BASP1: variants seen among roughly 807,000 people sequenced by gnomAD.
BASP1 encodes brain acid soluble protein 1.
BASP1 carries 1 observed loss-of-function variant against 2.2 expected under a neutral mutation model. The observed-to-expected ratio is 0.46, with a 90% CI of 0.16 to 2.17. BASP1 has a LOEUF of 2.17. Among genes scored for constraint, BASP1 ranks in the 30% most tolerant of loss-of-function variants. The pLI is 0.27. For synonymous variants in BASP1, 187 were observed against 154.2 expected, an observed-to-expected ratio of 1.21 and a Z score of -1.58; for missense variants, 352 against 327.2, an observed-to-expected ratio of 1.08 and a Z score of -0.58.
chr5:17,228,958 T>C (rs1471267825), intron 1 of BASP1, among the ~76,000 whole-genome samples: 1 of 152,124 alleles, frequency 6.6e-6, no homozygotes, highest in African/African-American at 2.4e-5. Context: ...CAAGCCAGTT[T>C]TGAGTTGAGT....
At chr5:17,266,740 A>C (rs1015055146) in intron 1 of BASP1, among the ~76,000 whole-genome samples, 1 of 147,260 alleles carries the variant, frequency 6.8e-6, no homozygotes, top group African/African-American at 2.5e-5. Flanking sequence ...TTGAACCGAG[A>C]GGCGCAAGTT....
At chr5:17,237,982 G>A (rs1274844295) in intron 1 of BASP1, among the ~76,000 whole-genome samples, 2 of 152,052 alleles carry the variant, frequency 1.3e-5, no homozygotes, top group Non-Finnish European at 2.9e-5. Context: ...GAAACACAAC[G>A]TATGTTAAGA....
At chr5:17,219,362 C>T (rs969333131) in intron 1 of BASP1, among the ~76,000 whole-genome samples, 1 of 152,126 alleles carries the variant, frequency 6.6e-6, no homozygotes, top group Non-Finnish European at 1.5e-5. Context: ...TTTTTCCCGC[C>T]TGTGTGTGTG....
intron 1 of BASP1, among the ~76,000 whole-genome samples, chr5:17,263,651 T>A (rs552859009): frequency 1.8e-4 from 28 of 152,336 alleles, no homozygotes; most frequent in Non-Finnish European, 3.4e-4. Context: ...ACTTTGTAGA[T>A]CCAACTCATC....
intron 1 of BASP1, among the ~76,000 whole-genome samples, chr5:17,235,889 C>A (rs298528): frequency 1.3e-5 from 2 of 151,978 alleles, no homozygotes; most frequent in Non-Finnish European, 2.9e-5. Flanking sequence ...TTTTGTTTTC[C>A]TAGACCTTCA....
chr5:17,253,359 C>T (rs543001017), intron 1 of BASP1, among the ~76,000 whole-genome samples: 9 of 152,210 alleles, frequency 5.9e-5, no homozygotes, highest in East Asian at 3.9e-4. Context: ...TACAGGCGTA[C>T]GCCACCATGC....
At chr5:17,263,348 T>G (rs1347039913) in intron 1 of BASP1, among the ~76,000 whole-genome samples, 2 of 151,932 alleles carry the variant, frequency 1.3e-5, no homozygotes, top group Non-Finnish European at 1.5e-5. Context: ...TTGCCCAGGC[T>G]GGTCTCAAAC....
At position 17,266,962 on chromosome 5, in the gene BASP1, C is replaced by T. The variant is rs965936452; in HGVS notation, c.-9-8246C>T. Among the ~76,000 whole-genome samples the T allele has an allele frequency of 2.4e-4, 36 of 152,122 alleles. 1 individual carries two copies. Among genetic ancestry groups the T allele is most frequent in the Admixed American group, 2.0e-3 (30 of 15,278 alleles). ...TTCGTTTTGTTAAGTGGTTGTATTG[C>T]GCTGGAAATTTGGGGCTGAGAACTT... On this transcript the variant is annotated intron_variant, in intron 1 of 1. Transcript: ENST00000322611.
At chr5:17,220,888 G>C (rs1301364919) in intron 1 of BASP1, among the ~76,000 whole-genome samples, 1 of 152,174 alleles carries the variant, frequency 6.6e-6, no homozygotes, top group Non-Finnish European at 1.5e-5. Flanking sequence ...TATGACATCA[G>C]AGAGAAACTT....
intron 1 of BASP1, among the ~76,000 whole-genome samples, chr5:17,234,812 T>C (rs1739709359): frequency 6.6e-6 from 1 of 152,238 alleles, no homozygotes; most frequent in South Asian, 2.1e-4. Context: ...ATCAATTATA[T>C]TCTTTTTCTT....
In BASP1 at chr5:17,275,479, A is replaced by AGAAGAC. The variant is rs747551927; in HGVS notation, c.265_270dup (p.Lys89_Thr90dup). ...GAGGAGGCCCCGAAGGCGGAGCCCG[A>AGAAGAC]GAAGACGGAGGGCGCGGCAGAGGCC... On this transcript the variant is annotated inframe_insertion, in exon 2 of 2. Coordinates refer to ENST00000322611, the MANE Select transcript of BASP1 (RefSeq NM_006317.5). The surrounding 1 kb of genome is among the most constrained non-coding windows in gnomAD (Gnocchi z 5.3). 8 of 1,490,226 alleles carry AGAAGAC rather than the reference A, an allele frequency of 5.4e-6. No homozygotes were observed. Among genetic ancestry groups the AGAAGAC allele is most frequent in the Non-Finnish European group, 7.1e-6 (8 of 1,122,324 alleles). 92.3% of individuals were successfully genotyped at this position (1,490,226 alleles called of 1,614,324 possible). A position where few individuals can be genotyped will look rare whatever the true frequency, so the allele number is the denominator to read the frequency against.
rs544707949 is a variant in BASP1 at position 17,275,882 on chromosome 5, C to T, written c.666C>T (p.Thr222=). ...VEAPAANSDQ[T]VTVKE ...CCCCGGCAGCTAATTCCGACCAAAC[C>T]GTAACCGTGAAAGAGTGACAAGGAC... Residue 222 remains threonine (T), a synonymous_variant, in exon 2 of 2, where the codon ACC becomes ACT. Transcript: ENST00000322611. The surrounding 1 kb of genome is among the most constrained non-coding windows in gnomAD (Gnocchi z 5.3). 2 of 1,592,776 alleles carry T rather than the reference C, an allele frequency of 1.3e-6. No homozygotes were observed. Among genetic ancestry groups the T allele is most frequent in the Non-Finnish European group, 1.7e-6 (2 of 1,171,500 alleles).
At chr5:17,252,398 A>G (rs981172059) in intron 1 of BASP1, among the ~76,000 whole-genome samples, 1 of 152,102 alleles carries the variant, frequency 6.6e-6, no homozygotes, top group Non-Finnish European at 1.5e-5. Flanking sequence ...ATGTAAAGGT[A>G]TTATTATCCC....
intron 1 of BASP1, among the ~76,000 whole-genome samples, chr5:17,234,310 T>A (rs1001053706): frequency 6.6e-6 from 1 of 152,208 alleles, no homozygotes; most frequent in Non-Finnish European, 1.5e-5. Context: ...AAGATTATTC[T>A]ATTCCTGCTC....
chr5:17,257,615 C>T (rs1740240807), intron 1 of BASP1, among the ~76,000 whole-genome samples: 2 of 152,202 alleles, frequency 1.3e-5, no homozygotes, highest in Non-Finnish European at 2.9e-5. Context: ...TTCACTGAGG[C>T]TGACTCCCTG....
At chr5:17,270,161 T>C (rs1387755226) in intron 1 of BASP1, among the ~76,000 whole-genome samples, 4 of 152,046 alleles carry the variant, frequency 2.6e-5, no homozygotes, top group Non-Finnish European at 5.9e-5. Flanking sequence ...CCACCACATC[T>C]GGCTAATTTT....
At chr5:17,244,723 C>T (rs570842910) in intron 1 of BASP1, among the ~76,000 whole-genome samples, 7 of 147,032 alleles carry the variant, frequency 4.8e-5, no homozygotes, top group Non-Finnish European at 4.5e-5. Flanking sequence ...GACGGAGTCT[C>T]GCTCTGTTGC....
intron 1 of BASP1, among the ~76,000 whole-genome samples, chr5:17,219,424 T>C (rs1344421895): frequency 1.3e-5 from 2 of 152,238 alleles, no homozygotes; most frequent in Non-Finnish European, 2.9e-5. Context: ...CTGATTTCAA[T>C]TGACCAAAAT....
intron 1 of BASP1, among the ~76,000 whole-genome samples, chr5:17,268,072 ATTT>A (rs933354515): frequency 1.3e-5 from 2 of 151,828 alleles, no homozygotes; most frequent in Non-Finnish European, 1.5e-5. Flanking sequence ...TCATAAAATT[ATTT>A]TTCCCCCTAG....
Sources: gnomAD v4.1 joint callset for allele counts (sites outside exome capture counted in the v4.1 genomes callset) on GRCh38, gnomAD v4.1.1 for gene constraint, Gnocchi (gnomAD v3.1) non-coding constraint, MANE v1.5 for transcripts, NCBI Gene and HGNC (gene_info 2026-07-23, HGNC 2026-07-21) for gene names.